Variants in GKAP1 observed in about 807,000 individuals in gnomAD.
GKAP1 encodes G kinase anchoring protein 1.
Under a neutral mutation model 56.7 loss-of-function variants are expected in GKAP1, and 31 were observed. The ratio of observed to expected loss-of-function variants is 0.55; its 90% CI spans 0.41 to 0.74. The LOEUF (loss-of-function observed/expected upper bound fraction) is 0.74. GKAP1 is among the 30% of genes least tolerant of loss of function. The probability of loss-of-function intolerance (pLI) is 0.00; values close to 1 mark genes in which losing one functional copy is unlikely to be tolerated. For missense variants in GKAP1, 364 were observed against 402.3 expected, an observed-to-expected ratio of 0.90 and a Z score of 0.82; for synonymous variants, 151 against 138.6, an observed-to-expected ratio of 1.09 and a Z score of -0.63.
intron 4 of GKAP1, among the ~76,000 whole-genome samples, chr9:83,789,752 T>G (rs1460525285): frequency 7.5e-6 from 1 of 133,218 alleles, no homozygotes; most frequent in Non-Finnish European, 1.6e-5. Flanking sequence ...GAATTAAATT[T>G]TGAGAACAAA....
In GKAP1 at chr9:83,768,992, T is replaced by G. The variant is rs761133248; in HGVS notation, c.586-22A>C. 3.8e-6 allele frequency: 6 copies of G among 1,595,770 alleles called. No homozygotes were observed. The African/African-American group carries it at 5.4e-5, about 14-fold the overall frequency. The stretch of plus-strand genomic sequence containing the variant: ...ATTCCTGTCAAAAATGAATTACGAT[T>G]TACTATCATTCAACATGCACTGATA... On this transcript the variant is annotated intron_variant, in intron 7 of 12. Coordinates refer to ENST00000376371, the MANE Select transcript of GKAP1 (RefSeq NM_025211.4).
intron 7 of GKAP1, among the ~76,000 whole-genome samples, chr9:83,779,440 T>TACACACACACACAC (rs1417549993): frequency 1.4e-5 from 1 of 71,206 alleles, no homozygotes; most frequent in Non-Finnish European, 3.4e-5. Context: ...TATATATATA[T>TACACACACACACAC]ATATATATAC....
intron 10 of GKAP1, among the ~76,000 whole-genome samples, chr9:83,744,115 T>C (rs1943251821): frequency 6.6e-6 from 1 of 152,204 alleles, no homozygotes; most frequent in Non-Finnish European, 1.5e-5. Context: ...AGAATCAACC[T>C]GGGAACTTTT....
At chr9:83,766,403 CA>C (rs11301122) in intron 8 of GKAP1, among the ~76,000 whole-genome samples, 104,584 of 152,038 alleles carry the variant, frequency 0.69, 36,626 homozygotes, top group Admixed American at 0.78. Flanking sequence ...GACAGGAAAA[CA>C]ATTAAATTTA....
intron 9 of GKAP1, among the ~76,000 whole-genome samples, chr9:83,750,897 A>ACGATCT (rs148478116): frequency 0.013 from 1,953 of 152,158 alleles, 34 homozygotes; most frequent in African/African-American, 0.045. Flanking sequence ...AGTGCATGGC[A>ACGATCT]CGATCTTAGC....
intron 7 of GKAP1, among the ~76,000 whole-genome samples, chr9:83,775,825 A>C (rs1172792558): frequency 6.7e-6 from 1 of 148,774 alleles, no homozygotes; most frequent in Non-Finnish European, 1.5e-5. Flanking sequence ...CAGTGAGCCA[A>C]GATCGTGCCA....
At chr9:83,747,528 A>G (rs950620812) in intron 10 of GKAP1, among the ~76,000 whole-genome samples, 1 of 152,212 alleles carries the variant, frequency 6.6e-6, no homozygotes, top group Non-Finnish European at 1.5e-5. Context: ...TCAGTAAGTT[A>G]TAAGAATTGA....
intron 5 of GKAP1, among the ~76,000 whole-genome samples, chr9:83,786,742 T>C (rs896817481): frequency 2.0e-5 from 3 of 152,198 alleles, no homozygotes; most frequent in Non-Finnish European, 4.4e-5. Flanking sequence ...TCCTCCCTTC[T>C]CTTAGTCATT....
chr9:83,786,746 A>G (rs75963769), intron 5 of GKAP1, among the ~76,000 whole-genome samples: 1 of 152,328 alleles, frequency 6.6e-6, no homozygotes, highest in African/African-American at 2.4e-5. Context: ...CCCTTCTCTT[A>G]GTCATTATTG....
intron 8 of GKAP1, among the ~76,000 whole-genome samples, chr9:83,758,644 G>A (rs2131251851): frequency 6.6e-6 from 1 of 151,934 alleles, no homozygotes; most frequent in East Asian, 1.9e-4. Context: ...AGCTACTTGG[G>A]AGGCTGAGGC....
chr9:83,795,864 T>A (rs1003760785), intron 4 of GKAP1, among the ~76,000 whole-genome samples: 2 of 152,028 alleles, frequency 1.3e-5, no homozygotes, highest in Non-Finnish European at 2.9e-5. Context: ...TAAGTGTGTT[T>A]CTTTCACATT....
At chr9:83,813,169 C>T (rs1944535681) in intron 2 of GKAP1, among the ~76,000 whole-genome samples, 1 of 152,088 alleles carries the variant, frequency 6.6e-6, no homozygotes, top group South Asian at 2.1e-4. Flanking sequence ...AGCTCTTCTC[C>T]CTCCCTCTCT....
intron 10 of GKAP1, 61 bp downstream of exon 10, chr9:83,748,248 A>C (rs1223346063): frequency 8.8e-7 from 1 of 1,132,840 alleles, no homozygotes; most frequent in Non-Finnish European, 1.3e-6. Context: ...ACATTTGAAA[A>C]AGTACCTTCA....
chr9:83,803,300 C>G (rs1199534998), intron 3 of GKAP1, among the ~76,000 whole-genome samples: 3 of 151,518 alleles, frequency 2.0e-5, no homozygotes, highest in Admixed American at 6.6e-5. Flanking sequence ...CCTCTGATGC[C>G]GAGCCGAAGC....
At chr9:83,767,692 ATTTAT>A (rs1943687814) in intron 8 of GKAP1, among the ~76,000 whole-genome samples, 2 of 151,602 alleles carry the variant, frequency 1.3e-5, no homozygotes, top group African/African-American at 4.9e-5. Flanking sequence ...TTTTAAAATT[ATTTAT>A]TTAATTTTGA....
At chr9:83,811,034 C>T (rs1166062975) in intron 2 of GKAP1, among the ~76,000 whole-genome samples, 1 of 152,112 alleles carries the variant, frequency 6.6e-6, no homozygotes, top group Non-Finnish European at 1.5e-5. Flanking sequence ...ATAAAAATAC[C>T]ACTTTATATA....
intron 7 of GKAP1, among the ~76,000 whole-genome samples, chr9:83,771,837 T>A (rs1357408808): frequency 6.6e-6 from 1 of 152,220 alleles, no homozygotes; most frequent in Non-Finnish European, 1.5e-5. Context: ...TAGCAACTAA[T>A]CAGCCTCTGG....
At chr9:83,801,125 A>G (rs1481130405) in intron 3 of GKAP1, among the ~76,000 whole-genome samples, 3 of 152,228 alleles carry the variant, frequency 2.0e-5, no homozygotes, top group African/African-American at 7.2e-5. Flanking sequence ...CCCTAATCCA[A>G]TATGACTGGT....
intron 7 of GKAP1, among the ~76,000 whole-genome samples, chr9:83,771,853 A>T (rs989629751): frequency 1.3e-5 from 2 of 152,222 alleles, no homozygotes; most frequent in Non-Finnish European, 2.9e-5. Context: ...TCTGGATTTC[A>T]TATCACTAGA....
Sources: allele counts gnomAD v4.1 joint callset (sites outside exome capture counted in the v4.1 genomes callset), GRCh38; gene constraint gnomAD v4.1.1; transcripts MANE v1.5; gene names NCBI Gene and HGNC (gene_info 2026-07-23, HGNC 2026-07-21).